PALD1: variants seen among roughly 807,000 people sequenced by gnomAD.
The protein encoded by PALD1 is paladin.
Under a neutral mutation model 96.0 loss-of-function variants are expected in PALD1, and 57 were observed. That is an observed-to-expected ratio of 0.59 (90% CI 0.48 to 0.74). PALD1 has a LOEUF of 0.74. Ranked by LOEUF, PALD1 falls within the 30% of genes least tolerant of loss-of-function variation. The pLI is 0.00. For synonymous variants in PALD1, 464 were observed against 473.6 expected, an observed-to-expected ratio of 0.98 and a Z score of 0.26; for missense variants, 1,063 against 1,143.7, an observed-to-expected ratio of 0.93 and a Z score of 1.02.
At chr10:70,537,292 A>G (rs986709511) in intron 10 of PALD1, among the ~76,000 whole-genome samples, 22 of 151,922 alleles carry the variant, frequency 1.4e-4, no homozygotes, top group African/African-American at 4.6e-4. Flanking sequence ...TTTTATAGAG[A>G]TGGGGTTTTG....
intron 9 of PALD1, 89 bp downstream of exon 9, chr10:70,534,613 A>C (rs1589202804): frequency 9.0e-7 from 1 of 1,114,192 alleles, no homozygotes; most frequent in Non-Finnish European, 1.3e-6. Context: ...CCTTCCCGAT[A>C]CCCTCCCCTA....
At chr10:70,551,439 G>A (rs998177227) in intron 18 of PALD1, among the ~76,000 whole-genome samples, 4 of 152,176 alleles carry the variant, frequency 2.6e-5, no homozygotes, top group African/African-American at 9.7e-5. Context: ...TCAGGCTTGG[G>A]TAGGGCTTTA....
At chr10:70,466,922 TC>T in the PALD1 span, among the ~76,000 whole-genome samples, 1 of 152,178 alleles carries the variant, frequency 6.6e-6, no homozygotes, top group African/African-American at 2.4e-5. Context: ...AGCCCCACCG[TC>T]CTGGCCTCAC....
chr10:70,491,256 C>T (rs761575102), intron 1 of PALD1, among the ~76,000 whole-genome samples: 2 of 152,186 alleles, frequency 1.3e-5, no homozygotes, highest in African/African-American at 2.4e-5. Flanking sequence ...AAACCCACTT[C>T]TTGTAGGAAT....
rs61733904 is a variant in PALD1, at chr10:70,538,446, G to C, written c.1452+38G>C. ...GGCAGTCGGAGAAGTGGGCATGGCT[G>C]TGTACTGGCCCTGGCCCCTAAACAC... On this transcript the variant is annotated intron_variant, in intron 12 of 19. Transcript: ENST00000263563. 2,454 of 1,596,762 alleles carry C rather than the reference G, an allele frequency of 1.5e-3. 31 individuals carry two copies. The African/African-American group carries it at 0.028, about 19-fold the overall frequency.
At chr10:70,533,166 A>G in intron 7 of PALD1, 96 bp downstream of exon 7, 6 of 951,686 alleles carry the variant, frequency 6.3e-6, no homozygotes, top group East Asian at 2.6e-5. Flanking sequence ...TCCTCAGAGG[A>G]AGGCTTCATT....
intron 1 of PALD1, among the ~76,000 whole-genome samples, chr10:70,487,348 T>C (rs188890369): frequency 0.025 from 3,769 of 152,052 alleles, 156 homozygotes; most frequent in African/African-American, 0.085. Flanking sequence ...TTAGCCAGGA[T>C]GGTCTCGATC....
rs568186885 is a variant in PALD1, at chr10:70,535,467, C to T, written c.1227+624C>T. On this transcript the variant is annotated intron_variant, in intron 10 of 19. Coordinates refer to ENST00000263563, the MANE Select transcript of PALD1 (RefSeq NM_014431.3). ...TCCTCCTTCCCCCTCTTCCTCTTCC[C>T]CACTTTTCCTCCTCTCCCCTTCCTT... 5.1e-5 allele frequency among the ~76,000 whole-genome samples: 6 copies of T among 116,706 alleles called. No individual in the cohort carries two copies. The South Asian group carries it at 2.1e-3, about 41-fold the overall frequency. 76.6% of individuals were successfully genotyped at this position (116,706 alleles called of 152,430 possible). A position where few individuals can be genotyped will look rare whatever the true frequency, so the allele number is the denominator to read the frequency against.
At chr10:70,461,766 CTTGGCATTGTGA>C in the PALD1 span, among the ~76,000 whole-genome samples, 1 of 152,138 alleles carries the variant, frequency 6.6e-6, no homozygotes, top group South Asian at 2.1e-4. Flanking sequence ...AGATTTACGA[CTTGGCATTGTGA>C]TTTTTTTGTT....
intron 1 of PALD1, among the ~76,000 whole-genome samples, chr10:70,481,233 C>G (rs1415234379): frequency 6.6e-6 from 1 of 152,186 alleles, no homozygotes. Flanking sequence ...ATATGCTTGC[C>G]AGAGCCAGCG....
At chr10:70,513,876 AGGCCCGTGATGGCT>A (rs972006746) in intron 1 of PALD1, among the ~76,000 whole-genome samples, 4 of 152,198 alleles carry the variant, frequency 2.6e-5, no homozygotes, top group African/African-American at 9.7e-5. Flanking sequence ...AGGAACCTGC[AGGCCCGTGATGGCT>A]GGCCCACACC....
At chr10:70,533,562 C>T (rs532445326) in intron 7 of PALD1, among the ~76,000 whole-genome samples, 2 of 152,290 alleles carry the variant, frequency 1.3e-5, no homozygotes, top group South Asian at 2.1e-4. Context: ...GTGGAGCTAA[C>T]GACTCTTGCC....
chr10:70,469,123 G>A, the PALD1 span, among the ~76,000 whole-genome samples: 1 of 152,150 alleles, frequency 6.6e-6, no homozygotes, highest in Non-Finnish European at 1.5e-5. Flanking sequence ...CTGCCAGCTG[G>A]AGTTGGGAAC....
chr10:70,518,061 G>A (rs1056157650), intron 1 of PALD1, among the ~76,000 whole-genome samples: 41 of 151,976 alleles, frequency 2.7e-4, no homozygotes, highest in African/African-American at 9.2e-4. Context: ...GCGCCATCAC[G>A]CCTGGCTAAT....
intron 1 of PALD1, among the ~76,000 whole-genome samples, chr10:70,481,166 C>T (rs915073002): frequency 2.6e-5 from 4 of 152,178 alleles, no homozygotes; most frequent in Non-Finnish European, 4.4e-5. Flanking sequence ...ACAGGGAAGC[C>T]GCTCAAGTGC....
At chr10:70,563,059 G>A (rs774030743) in intron 18 of PALD1, among the ~76,000 whole-genome samples, 1 of 147,236 alleles carries the variant, frequency 6.8e-6, no homozygotes, top group Non-Finnish European at 1.5e-5. Flanking sequence ...CACCCAGAGG[G>A]ATTTTGACAA....
At chr10:70,494,955 C>T (rs941800640) in intron 1 of PALD1, among the ~76,000 whole-genome samples, 37 of 152,304 alleles carry the variant, frequency 2.4e-4, no homozygotes, top group Admixed American at 5.9e-4. Context: ...GGCAGTATCT[C>T]GGAAAGCTGT....
intron 1 of PALD1, among the ~76,000 whole-genome samples, chr10:70,510,838 ATC>A (rs1486085902): frequency 3.3e-5 from 5 of 152,056 alleles, no homozygotes; most frequent in Non-Finnish European, 7.4e-5. Context: ...GACTTTCGAA[ATC>A]TCTGCAGCTG....
At chr10:70,554,641 A>G (rs1847554504) in intron 18 of PALD1, among the ~76,000 whole-genome samples, 1 of 151,900 alleles carries the variant, frequency 6.6e-6, no homozygotes, top group Admixed American at 6.6e-5. Flanking sequence ...TATGACAAAA[A>G]CCAAAGTCAG....
Sources: gnomAD v4.1 joint callset for allele counts (sites outside exome capture counted in the v4.1 genomes callset) on GRCh38, gnomAD v4.1.1 for gene constraint, MANE v1.5 for transcripts, NCBI Gene and HGNC (gene_info 2026-07-23, HGNC 2026-07-21) for gene names.